Variants in PHLDB2 observed in about 807,000 individuals in gnomAD.
PHLDB2 encodes the protein pleckstrin homology-like domain family B member 2.
PHLDB2 carries 71 observed loss-of-function variants against 123.6 expected under a neutral mutation model. That is an observed-to-expected ratio of 0.57 (90% CI 0.47 to 0.70). The LOEUF (loss-of-function observed/expected upper bound fraction) is 0.70, where lower values mean the gene tolerates loss of function less well. Ranked by LOEUF, PHLDB2 falls within the 30% of genes least tolerant of loss-of-function variation. PHLDB2 has a pLI of 0.00. For missense variants in PHLDB2, 1,446 were observed against 1,519.5 expected (o/e 0.95, Z 0.80); for synonymous variants, 547 against 541.6 (o/e 1.01, Z -0.14).
chr3:111,750,947 CAA>C (rs34859598), intron 1 of PHLDB2, among the ~76,000 whole-genome samples: 26,176 of 117,628 alleles, frequency 0.22, 2,366 homozygotes, highest in Admixed American at 0.24. Context: ...AACTCTGTCT[CAA>C]AAAAAAAAAA....
At chr3:111,847,904 T>G (rs1352968802) in intron 2 of PHLDB2, among the ~76,000 whole-genome samples, 1 of 152,184 alleles carries the variant, frequency 6.6e-6, no homozygotes, top group African/African-American at 2.4e-5. Context: ...CTGAAGAAGT[T>G]TCCCAGATAA....
intron 1 of PHLDB2, among the ~76,000 whole-genome samples, chr3:111,793,246 A>C (rs1206667926): frequency 6.6e-6 from 1 of 152,116 alleles, no homozygotes; most frequent in Non-Finnish European, 1.5e-5. Flanking sequence ...CTCCAAAGCC[A>C]CAAGACAGTC....
At chr3:111,758,876 A>C (rs1398465576) in intron 1 of PHLDB2, among the ~76,000 whole-genome samples, 1 of 152,140 alleles carries the variant, frequency 6.6e-6, no homozygotes, top group African/African-American at 2.4e-5. Flanking sequence ...AAACTCATGA[A>C]GATGGTTTTA....
intron 2 of PHLDB2, among the ~76,000 whole-genome samples, chr3:111,909,507 G>C (rs2067751365): frequency 1.3e-5 from 2 of 152,140 alleles, no homozygotes; most frequent in East Asian, 3.9e-4. Flanking sequence ...TGAGGTGGGA[G>C]GATCCCTTGA....
At chr3:111,810,603 C>G in intron 1 of PHLDB2, among the ~76,000 whole-genome samples, 1 of 152,192 alleles carries the variant, frequency 6.6e-6, no homozygotes, top group African/African-American at 2.4e-5. Flanking sequence ...CTCATTTAAC[C>G]TTAATTACCT....
intron 1 of PHLDB2, among the ~76,000 whole-genome samples, chr3:111,741,355 G>A (rs1262262583): frequency 2.0e-5 from 3 of 152,194 alleles, no homozygotes; most frequent in Non-Finnish European, 4.4e-5. Context: ...ATGCAGAACT[G>A]TTTCTGATAA....
chr3:111,916,012 C>A (rs1174765422), intron 3 of PHLDB2: 2 of 152,212 alleles, frequency 1.3e-5, no homozygotes, highest in Admixed American at 1.3e-4. Flanking sequence ...TTATGGAGAT[C>A]TGCCAGTTTT....
At position 111,744,641 on chromosome 3, in the gene PHLDB2, C is replaced by T. The variant is rs796462794; in HGVS notation, c.-49+11938C>T. ...GAGATCCATGTTGCAGTAGTAGCTC[C>T]GAGCTACCAGTAGTAGTTCAGTGGC... On this transcript the variant is annotated intron_variant, in intron 1 of 17. Coordinates refer to the PHLDB2 transcript ENST00000393923. 1.9e-4 allele frequency among the ~76,000 whole-genome samples: 29 copies of T among 152,266 alleles called. 1 individual carries two copies. Among genetic ancestry groups the T allele is most frequent in the African/African-American group, 6.3e-4 (26 of 41,554 alleles).
At chr3:111,735,372 G>A (rs575617640) in intron 1 of PHLDB2, among the ~76,000 whole-genome samples, 83 of 152,088 alleles carry the variant, frequency 5.5e-4, no homozygotes, top group African/African-American at 1.7e-3. Context: ...GCCTTAATCC[G>A]CCCCCCACCC....
At chr3:111,784,886 T>C (rs1423077519) in intron 1 of PHLDB2, among the ~76,000 whole-genome samples, 1 of 152,174 alleles carries the variant, frequency 6.6e-6, no homozygotes, top group African/African-American at 2.4e-5. Context: ...AAAAACTTTA[T>C]TTTTTCTATT....
chr3:111,791,677 T>C (rs1341503891), intron 1 of PHLDB2, among the ~76,000 whole-genome samples: 3 of 152,188 alleles, frequency 2.0e-5, no homozygotes, highest in Non-Finnish European at 4.4e-5. Context: ...TTTTTTACAT[T>C]CTAAATTTCG....
chr3:111,868,040 C>T (rs2065167374), intron 1 of PHLDB2, among the ~76,000 whole-genome samples: 2 of 152,074 alleles, frequency 1.3e-5, no homozygotes, highest in African/African-American at 4.8e-5. Flanking sequence ...TGCTGCGTCA[C>T]CCAGACTGGA....
At chr3:111,795,717 G>T (rs11715999) in intron 1 of PHLDB2, among the ~76,000 whole-genome samples, 2 of 151,982 alleles carry the variant, frequency 1.3e-5, no homozygotes, top group Admixed American at 6.5e-5. Context: ...AAAGACCTGG[G>T]TAGGTTTTTT....
chr3:111,768,285 T>C (rs4682058), intron 1 of PHLDB2, among the ~76,000 whole-genome samples: 131,657 of 152,174 alleles, frequency 0.87, 57,866 homozygotes, highest in East Asian at 1. Context: ...AACTAAGGGA[T>C]TCAAACAAAA....
At chr3:111,805,132 A>G (rs2061522437) in intron 1 of PHLDB2, among the ~76,000 whole-genome samples, 1 of 152,202 alleles carries the variant, frequency 6.6e-6, no homozygotes, top group Admixed American at 6.5e-5. Flanking sequence ...ACTCCTAGAT[A>G]TAGGAATTTA....
intron 1 of PHLDB2, among the ~76,000 whole-genome samples, chr3:111,802,903 A>T (rs1259163096): frequency 1.3e-5 from 2 of 152,210 alleles, no homozygotes; most frequent in Admixed American, 6.5e-5. Context: ...CCCAAATGAT[A>T]GATAATTAAT....
At chr3:111,880,826 T>TTA (rs887732198) in intron 1 of PHLDB2, among the ~76,000 whole-genome samples, 11 of 152,134 alleles carry the variant, frequency 7.2e-5, no homozygotes, top group Admixed American at 5.2e-4. Context: ...CTCAGGGAAT[T>TTA]TATATGGTGT....
chr3:111,809,510 A>G (rs2061737005), intron 1 of PHLDB2, among the ~76,000 whole-genome samples: 1 of 152,160 alleles, frequency 6.6e-6, no homozygotes, highest in South Asian at 2.1e-4. Flanking sequence ...TCTTTTCTCC[A>G]CAAACACCCA....
At chr3:111,773,092 G>T (rs1365919143) in intron 1 of PHLDB2, among the ~76,000 whole-genome samples, 1 of 152,222 alleles carries the variant, frequency 6.6e-6, no homozygotes, top group Admixed American at 6.5e-5. Context: ...GATTGAAATT[G>T]TAAAGGTCTA....
Sources: allele counts gnomAD v4.1 joint callset (sites outside exome capture counted in the v4.1 genomes callset), GRCh38; gene constraint gnomAD v4.1.1; transcripts MANE v1.5; gene names NCBI Gene and HGNC (gene_info 2026-07-23, HGNC 2026-07-21).